PRDM1: variants seen among roughly 807,000 people sequenced by gnomAD.
The protein encoded by PRDM1 is PR domain zinc finger protein 1.
In PRDM1, 13 loss-of-function variants were observed where a neutral mutation model predicts 62.8. The ratio of observed to expected loss-of-function variants is 0.21; its 90% CI spans 0.13 to 0.33. The LOEUF is 0.33. PRDM1 is among the 10% of genes least tolerant of loss of function. The pLI is 1.00. For synonymous variants in PRDM1, 396 were observed against 417.6 expected, an observed-to-expected ratio of 0.95 and a Z score of 0.63; for missense variants, 895 against 1,058.8, an observed-to-expected ratio of 0.85 and a Z score of 2.15.
rs78493984 is a variant in PRDM1, at chr6:105,996,622, A to G, written c.-67+2983A>G. On this transcript the variant is annotated intron_variant, in intron 1 of 6. Transcript: ENST00000652320. ...TAATATATGCCATATTTTGAAATCT[A>G]TTTGGTTTTGAACAAGCTGCAGCCT... Among the ~76,000 whole-genome samples, 1,250 of 152,274 alleles carry G rather than the reference A, an allele frequency of 8.2e-3. 20 individuals are homozygous for G. The highest frequency in any genetic ancestry group is 0.029 in the African/African-American group (1,206 of 41,560).
chr6:106,099,023 A>C, intron 3 of PRDM1: 1 of 1,608,722 alleles, frequency 6.2e-7, no homozygotes, highest in East Asian at 2.2e-5. Flanking sequence ...CAGCTCCTTA[A>C]ATGAACATTT....
intron 1 of PRDM1, among the ~76,000 whole-genome samples, chr6:106,015,713 A>G (rs540217518): frequency 6.6e-6 from 1 of 152,260 alleles, no homozygotes; most frequent in Non-Finnish European, 1.5e-5. Flanking sequence ...AAAAATGTAA[A>G]ACAAACATTC....
intron 1 of PRDM1, among the ~76,000 whole-genome samples, chr6:106,014,058 ATT>A (rs71006664): frequency 0.25 from 25,973 of 104,576 alleles, 1,740 homozygotes; most frequent in Middle Eastern, 0.34. Context: ...AGGACAAGGA[ATT>A]TTTTTTTTTT....
intron 1 of PRDM1, among the ~76,000 whole-genome samples, chr6:106,007,934 G>A (rs1212740002): frequency 1.3e-5 from 2 of 152,190 alleles, no homozygotes; most frequent in African/African-American, 2.4e-5. Flanking sequence ...TGCACCCTGT[G>A]CATTCGCTCA....
intron 1 of PRDM1, among the ~76,000 whole-genome samples, chr6:105,996,728 C>T (rs908249329): frequency 2.0e-5 from 3 of 152,084 alleles, no homozygotes; most frequent in African/African-American, 7.2e-5. Flanking sequence ...CAAGAGAGAA[C>T]ATTACAAAGT....
At chr6:106,052,633 C>T (rs191775214) in intron 1 of PRDM1, among the ~76,000 whole-genome samples, 9 of 152,022 alleles carry the variant, frequency 5.9e-5, no homozygotes, top group African/African-American at 1.9e-4. Flanking sequence ...AGATTTACAC[C>T]CGAATACGTC....
chr6:106,076,520 GA>G (rs1221348747), intron 1 of PRDM1, among the ~76,000 whole-genome samples: 1 of 151,978 alleles, frequency 6.6e-6, no homozygotes, highest in South Asian at 2.1e-4. Flanking sequence ...TTTATTAGTA[GA>G]AAAAAATGAA....
chr6:106,088,574 G>C, intron 2 of PRDM1, 125 bp downstream of exon 2: 1 of 1,048,952 alleles, frequency 9.5e-7, no homozygotes, highest in Non-Finnish European at 1.4e-6. Flanking sequence ...ATAATTGATT[G>C]CTCTATTCAA....
chr6:106,054,393 T>C (rs1435612534), intron 1 of PRDM1, among the ~76,000 whole-genome samples: 1 of 152,192 alleles, frequency 6.6e-6, no homozygotes, highest in Non-Finnish European at 1.5e-5. Flanking sequence ...CTTGTTCCTT[T>C]CTGTCTATCT....
intron 1 of PRDM1, chr6:106,072,128 G>T (rs1250456410): frequency 1.3e-5 from 2 of 152,190 alleles, no homozygotes; most frequent in African/African-American, 4.8e-5. Context: ...GGCTTTTGCA[G>T]TTGTGTTTAC....
intron 1 of PRDM1, among the ~76,000 whole-genome samples, chr6:106,020,193 A>C (rs1223100254): frequency 2.0e-5 from 3 of 151,524 alleles, no homozygotes; most frequent in Admixed American, 6.6e-5. Context: ...AAAAAAAAAA[A>C]AAAACCCACA....
At chr6:106,063,241 C>G (rs1210001801) in intron 1 of PRDM1, among the ~76,000 whole-genome samples, 1 of 152,148 alleles carries the variant, frequency 6.6e-6, no homozygotes, top group Non-Finnish European at 1.5e-5. Flanking sequence ...AGTATGTGCA[C>G]TGGGAGTCTT....
At chr6:106,017,608 T>A (rs1273531899) in intron 1 of PRDM1, among the ~76,000 whole-genome samples, 2 of 152,194 alleles carry the variant, frequency 1.3e-5, no homozygotes, top group African/African-American at 4.8e-5. Flanking sequence ...CACAGTTGCT[T>A]GGCCAGTCTG....
chr6:106,088,331 G>A lies in PRDM1; in HGVS notation c.173G>A (p.Cys58Tyr), dbSNP rs1562164903. ...LWTEAEFEEKCTYIVNDHPWD... is the reference protein window; with the variant it reads ...LWTEAEFEEKYTYIVNDHPWD... The stretch of plus-strand genomic sequence containing the variant: ...ACAGAGGCTGAGTTTGAAGAGAAGT[G>A]TACATACATTGTGAACGACCACCCC... The change falls in exon 2 of 7, where the codon TGT (cysteine) becomes TAT (tyrosine). Residue 58 changes from cysteine to tyrosine, a missense_variant. Transcript: ENST00000369096. The A allele has an allele frequency of 6.2e-7, 1 of 1,614,166 alleles. No homozygotes were observed. The highest frequency in any genetic ancestry group is 1.1e-5 in the South Asian group (1 of 91,084).
At chr6:106,104,205 G>GTT (rs11317538) in intron 4 of PRDM1, among the ~76,000 whole-genome samples, 98 of 141,862 alleles carry the variant, frequency 6.9e-4, no homozygotes, top group East Asian at 1.9e-3. Context: ...TAAAATGGAA[G>GTT]TTTTTTTTTT....
At chr6:106,090,819 C>T (rs578151022) in intron 2 of PRDM1, among the ~76,000 whole-genome samples, 1 of 151,080 alleles carries the variant, frequency 6.6e-6, no homozygotes, top group Non-Finnish European at 1.5e-5. Flanking sequence ...TGCTGACATA[C>T]CGGGGAATTT....
At chr6:106,076,920 T>G (rs1773613457) in intron 1 of PRDM1, among the ~76,000 whole-genome samples, 1 of 152,158 alleles carries the variant, frequency 6.6e-6, no homozygotes, top group Admixed American at 6.5e-5. Flanking sequence ...TAGGAAGAAG[T>G]CCAGTGCCAG....
Position 106,105,964 on chromosome 6 carries a change from C to G in PRDM1, c.1773+31C>G, listed in dbSNP as rs766479923. 7 of 1,587,508 alleles carry G rather than the reference C, an allele frequency of 4.4e-6. No homozygotes were observed. In the African/African-American group the frequency reaches 9.5e-5, roughly 21 times the overall value. On this transcript the variant is annotated intron_variant, in intron 5 of 6. Coordinates refer to ENST00000369096, the MANE Select transcript of PRDM1 (RefSeq NM_001198.4). The stretch of plus-strand genomic sequence containing the variant: ...CCTTGAGAGAGAGCAGTCCAAGGGG[C>G]TGTGAGTGCATGCTTGTGTTTGTAT...
intron 1 of PRDM1, among the ~76,000 whole-genome samples, chr6:106,039,504 T>A (rs376059090): frequency 2.6e-5 from 4 of 152,200 alleles, no homozygotes; most frequent in East Asian, 3.8e-4. Context: ...TGGTTACTCA[T>A]AAATGTTTTT....
Sources: gnomAD v4.1 joint callset for allele counts (sites outside exome capture counted in the v4.1 genomes callset) on GRCh38, gnomAD v4.1.1 for gene constraint, MANE v1.5 for transcripts, NCBI Gene and HGNC (gene_info 2026-07-23, HGNC 2026-07-21) for gene names.